SAXO2: variants seen among roughly 807,000 people sequenced by gnomAD.
SAXO2 encodes family with sequence similarity 154, member B.
In SAXO2, 17 loss-of-function variants were observed where a neutral mutation model predicts 18.7. The observed-to-expected ratio is 0.91, with a 90% CI of 0.62 to 1.36. SAXO2 has a LOEUF of 1.36. Ranked by LOEUF, SAXO2 falls within the 40% of genes most tolerant of loss-of-function variation. The probability of loss-of-function intolerance (pLI) is 0.00; values close to 1 mark genes in which losing one functional copy is unlikely to be tolerated. For synonymous variants in SAXO2, 163 were observed against 181.2 expected (o/e 0.90, Z 0.81); for missense variants, 486 against 562.6 (o/e 0.86, Z 1.38).
Position 82,271,811 on chromosome 15 carries a change from C to T in SAXO2, c.433+9C>T. 8.7e-6 allele frequency: 14 copies of T among 1,606,062 alleles called. No homozygotes were observed. The highest frequency in any genetic ancestry group is 1.2e-5 in the Non-Finnish European group (14 of 1,177,524). ...TGTCCCAACCTATAAAGGTAACTTGCTGTTTCATACATGAAGGAGCCAAAA... is the reference window on the plus strand; with the variant it reads ...TGTCCCAACCTATAAAGGTAACTTGTTGTTTCATACATGAAGGAGCCAAAA... On this transcript the variant is annotated intron_variant, in intron 3 of 3. Coordinates refer to ENST00000682753, the MANE Select transcript of SAXO2 (RefSeq NM_001348699.2).
intron 3 of SAXO2, among the ~76,000 whole-genome samples, chr15:82,281,092 TAATA>T (rs2075358667): frequency 6.6e-6 from 1 of 152,242 alleles, no homozygotes. Context: ...TTATCCTGTG[TAATA>T]AATTTCTATC....
intron 1 of SAXO2, among the ~76,000 whole-genome samples, chr15:82,265,330 G>T (rs1395669002): frequency 6.6e-6 from 1 of 152,130 alleles, no homozygotes; most frequent in Non-Finnish European, 1.5e-5. Context: ...TTTTAGTAGA[G>T]ACGGGGTTTC....
At chr15:82,263,167 A>G (rs1596021132) in intron 1 of SAXO2, 2 of 1,452,370 alleles carry the variant, frequency 1.4e-6, no homozygotes, top group Middle Eastern at 5.0e-4. Context: ...AAGGATGCAA[A>G]GTAAAATGCC....
intron 3 of SAXO2, among the ~76,000 whole-genome samples, chr15:82,279,550 T>C (rs756695123): frequency 1.3e-5 from 2 of 152,264 alleles, no homozygotes; most frequent in East Asian, 1.9e-4. Flanking sequence ...TGGATAAATA[T>C]GTGGGTTGGT....
At position 82,271,587 on chromosome 15, in the gene SAXO2, A is replaced by G. The variant is rs757594220; in HGVS notation, c.234-16A>G. On this transcript the variant is annotated splice_polypyrimidine_tract_variant and intron_variant, in intron 2 of 3. Transcript: ENST00000682753. ...AAAGAACTTGTGAGGCTATGTTTCA[A>G]ATTTATATATTTCAGGTCGGATTAT... 1 of 1,581,492 alleles carries G rather than the reference A, an allele frequency of 6.3e-7. No individual in the cohort carries two copies. The highest frequency in any genetic ancestry group is 8.6e-7 in the Non-Finnish European group (1 of 1,165,812).
intron 2 of SAXO2, among the ~76,000 whole-genome samples, chr15:82,268,173 TA>T (rs1215866850): frequency 9.2e-5 from 14 of 152,338 alleles, no homozygotes; most frequent in Non-Finnish European, 1.0e-4. Context: ...AATTTATTAA[TA>T]TTTTTTTCTT....
intron 3 of SAXO2, among the ~76,000 whole-genome samples, chr15:82,277,571 G>A (rs891066700): frequency 1.3e-5 from 2 of 152,158 alleles, no homozygotes; most frequent in African/African-American, 2.4e-5. Flanking sequence ...GATGCAGAAG[G>A]CTAGAAAGAT....
chr15:82,272,911 G>GT (rs1017975882), intron 3 of SAXO2, among the ~76,000 whole-genome samples: 167 of 140,732 alleles, frequency 1.2e-3, no homozygotes, highest in East Asian at 0.011. Flanking sequence ...AACACAGGCT[G>GT]TTTTTTTTTT....
rs764659573 is a variant in SAXO2 at position 82,282,313 on chromosome 15, A to T, written c.628A>T (p.Ser210Cys). 1 of 1,614,100 alleles carries T rather than the reference A, an allele frequency of 6.2e-7. No individual in the cohort carries two copies. The highest frequency in any genetic ancestry group is 8.5e-7 in the Non-Finnish European group (1 of 1,180,046). Residue 210 changes from serine (S) to cysteine (C), a missense_variant, in exon 4 of 4, where the codon AGT becomes TGT. By Grantham distance (112) the Ser-to-Cys change is moderately radical. Transcript: ENST00000682753. ...RSTAPFNGIT[S>C]HRLDYIPHQL... Reference sequence around the variant, plus strand: ...TACAGCCCCTTTTAATGGTATTACAAGTCATCGCCTTGATTATATACCTCA... The same window carrying T: ...TACAGCCCCTTTTAATGGTATTACATGTCATCGCCTTGATTATATACCTCA...
intron 3 of SAXO2, among the ~76,000 whole-genome samples, chr15:82,275,281 CAAAAAAAAAAAAAA>C (rs756023248): frequency 6.5e-5 from 3 of 45,906 alleles, no homozygotes; most frequent in Non-Finnish European, 1.2e-4. Flanking sequence ...ACCTATCAAC[CAAAAAAAAAAAAAA>C]AAAAAAAAAA....
chr15:82,277,952 G>A (rs1325443872), intron 3 of SAXO2, among the ~76,000 whole-genome samples: 1 of 152,062 alleles, frequency 6.6e-6, no homozygotes, highest in Non-Finnish European at 1.5e-5. Context: ...TGGGAGAAAG[G>A]CTGGAGACCA....
At chr15:82,279,725 A>G (rs2075346657) in intron 3 of SAXO2, among the ~76,000 whole-genome samples, 1 of 152,214 alleles carries the variant, frequency 6.6e-6, no homozygotes, top group Admixed American at 6.5e-5. Flanking sequence ...TCGGTACCAC[A>G]AGACACCACA....
chr15:82,283,802 C>T lies in SAXO2; in HGVS notation c.*740C>T, dbSNP rs1253218610. 1 of 152,340 alleles carries T rather than the reference C, an allele frequency of 6.6e-6. No homozygotes were observed. The highest frequency in any genetic ancestry group is 1.9e-4 in the East Asian group (1 of 5,200). 9.4% of individuals were successfully genotyped at this position (152,340 alleles called of 1,614,324 possible). The stretch of plus-strand genomic sequence containing the variant: ...GCCTCAGCCTCCCAAATAGCTGGGA[C>T]TACAAGGGTGTGCCACCACACCTGG... On this transcript the variant is annotated 3_prime_UTR_variant, in exon 4 of 4. Transcript: ENST00000682753.
chr15:82,264,068 A>ATTTTTTT (rs397853729), intron 1 of SAXO2, among the ~76,000 whole-genome samples: 1 of 86,910 alleles, frequency 1.2e-5, no homozygotes, highest in Non-Finnish European at 2.4e-5. Flanking sequence ...ATATGCATTG[A>ATTTTTTT]TTTTTTTTTT....
intron 1 of SAXO2, 115 bp downstream of exon 1, chr15:82,263,047 G>A: frequency 1.3e-6 from 2 of 1,531,084 alleles, no homozygotes; most frequent in Non-Finnish European, 1.8e-6. Context: ...GAGATGAAGG[G>A]ACGAGGGCGC....
chr15:82,271,903 A>G, intron 3 of SAXO2, 101 bp downstream of exon 3: 1 of 987,510 alleles, frequency 1.0e-6, no homozygotes, highest in Non-Finnish European at 1.5e-6. Flanking sequence ...TGCCAAACTT[A>G]GCCTCCATGG....
intron 2 of SAXO2, among the ~76,000 whole-genome samples, chr15:82,266,701 C>T (rs2075221747): frequency 1.3e-5 from 2 of 152,206 alleles, no homozygotes; most frequent in African/African-American, 4.8e-5. Context: ...AAAGCCTTCT[C>T]TGAGACTTTT....
chr15:82,271,717 G>T lies in SAXO2; in HGVS notation c.348G>T (p.Ser116=). Residue 116 remains serine (S), a synonymous_variant, in exon 3 of 4, where the codon TCG becomes TCT. Coordinates refer to ENST00000682753, the MANE Select transcript of SAXO2 (RefSeq NM_001348699.2). The stretch of plus-strand genomic sequence containing the variant: ...CTACCTACAAACGGGATTTGAATTC[G>T]TATAAAGTGCAGCCTGTGGCAATAG... ...LGTTYKRDLN[S]YKVQPVAIVR... 2 of 1,614,098 alleles carry T rather than the reference G, an allele frequency of 1.2e-6. No homozygotes were observed. The highest frequency in any genetic ancestry group is 1.7e-6 in the Non-Finnish European group (2 of 1,179,986).
intron 3 of SAXO2, among the ~76,000 whole-genome samples, chr15:82,281,600 C>G (rs1326473553): frequency 2.6e-5 from 4 of 152,162 alleles, no homozygotes; most frequent in African/African-American, 7.2e-5. Context: ...CTAGAGTATA[C>G]CAGAATTAAA....
Sources: allele counts gnomAD v4.1 joint callset (sites outside exome capture counted in the v4.1 genomes callset), GRCh38; gene constraint gnomAD v4.1.1; transcripts MANE v1.5; gene names NCBI Gene and HGNC (gene_info 2026-07-23, HGNC 2026-07-21).